The following DPF3 variants were observed in gnomAD, a reference collection of about 807,000 sequenced individuals.
DPF3 encodes the protein double PHD fingers 3.
A neutral mutation model predicts 56.8 loss-of-function variants in DPF3; 18 were observed. That is an observed-to-expected ratio of 0.32 (90% confidence interval 0.22 to 0.47). The LOEUF is 0.47. Ranked by LOEUF, DPF3 falls within the 20% of genes least tolerant of loss-of-function variation. The probability of loss-of-function intolerance (pLI) is 1.00; values close to 1 mark genes in which losing one functional copy is unlikely to be tolerated. For synonymous variants in DPF3, 188 were observed against 180.2 expected (o/e 1.04, Z -0.35); for missense variants, 403 against 488.8 (o/e 0.82, Z 1.65).
chr14:72,714,464 G>T lies in DPF3; in HGVS notation c.563C>A (p.Ala188Asp), dbSNP rs754518343. Residue 188 changes from alanine to aspartate, a missense_variant, in exon 6 of 11, where the codon GCC becomes GAC. By Grantham distance (126) the Ala-to-Asp change is moderately radical. This residue lies in a region of DPF3 where 340 missense variants were observed against 374.3 expected (regional missense o/e 0.91). Transcript: ENST00000556509. ...GSAGGRRRHD[A>D]ASQEDHDKPY... is the part of the protein sequence containing the mutation. The stretch of plus-strand genomic sequence containing the variant: ...TTTGTCGTGGTCTTCCTGAGAGGCG[G>T]CGTCGTGCCTCCTCCTGCCCCCTGC... The T allele has an allele frequency of 5.0e-6, 8 of 1,613,758 alleles. No homozygotes were observed. In the Admixed American group the frequency reaches 8.3e-5, roughly 17 times the overall value.
intron 1 of DPF3, among the ~76,000 whole-genome samples, chr14:72,856,834 G>T (rs574071226): frequency 6.6e-6 from 1 of 152,208 alleles, no homozygotes; most frequent in African/African-American, 2.4e-5. Context: ...GTCCAGCGCG[G>T]CCCCTGTGCC....
At chr14:72,727,572 T>A (rs1232521521) in intron 4 of DPF3, among the ~76,000 whole-genome samples, 3 of 146,166 alleles carry the variant, frequency 2.1e-5, no homozygotes, top group Middle Eastern at 3.5e-3. Flanking sequence ...CGAGACTCCA[T>A]CTCAAAAAAA....
intron 8 of DPF3, among the ~76,000 whole-genome samples, chr14:72,643,700 C>T (rs928840398): frequency 2.6e-5 from 4 of 152,228 alleles, no homozygotes; most frequent in Admixed American, 6.5e-5. Flanking sequence ...CCCAAGTGAC[C>T]GCCCATCACC....
At position 72,732,244 on chromosome 14, in the gene DPF3, C is replaced by T. The variant is rs1889687239; in HGVS notation, c.302-310G>A. ...CAGCCATGACATCGGACAAGGCAGG[C>T]GTCAGGAGCGTGGAGCCCTTATTGC... is the stretch of plus-strand genomic sequence containing the variant. On this transcript the variant is annotated intron_variant, in intron 3 of 10. Transcript: ENST00000556509. 3.3e-5 allele frequency among the ~76,000 whole-genome samples: 5 copies of T among 152,234 alleles called. 1 individual carries two copies. The highest frequency in any genetic ancestry group is 7.3e-5 in the Non-Finnish European group (5 of 68,040).
chr14:72,714,896 T>TA (rs1214478637), intron 5 of DPF3, among the ~76,000 whole-genome samples: 3 of 152,206 alleles, frequency 2.0e-5, no homozygotes, highest in Non-Finnish European at 4.4e-5. Context: ...CTCCTGCTCC[T>TA]TAGCCTCCTA....
At chr14:72,825,537 C>T (rs111900501) in intron 1 of DPF3, among the ~76,000 whole-genome samples, 2 of 152,342 alleles carry the variant, frequency 1.3e-5, no homozygotes, top group African/African-American at 4.8e-5. Flanking sequence ...AGTTCTAGAA[C>T]ATAGAAAATT....
At chr14:72,788,134 G>A (rs1892285088) in intron 1 of DPF3, among the ~76,000 whole-genome samples, 1 of 152,188 alleles carries the variant, frequency 6.6e-6, no homozygotes, top group Non-Finnish European at 1.5e-5. Context: ...CATGCACTTG[G>A]TAAGTGTTCA....
At chr14:72,641,723 T>C (rs1359059754) in intron 8 of DPF3, among the ~76,000 whole-genome samples, 4 of 152,206 alleles carry the variant, frequency 2.6e-5, no homozygotes, top group Non-Finnish European at 5.9e-5. Flanking sequence ...TTTGCAAAAA[T>C]GCCCACAAAT....
intron 7 of DPF3, among the ~76,000 whole-genome samples, chr14:72,676,872 C>T (rs1886935415): frequency 6.6e-6 from 1 of 152,176 alleles, no homozygotes; most frequent in Admixed American, 6.5e-5. Context: ...CAATTCTACA[C>T]AGCATTCACT....
At chr14:72,804,742 G>T (rs1893022980) in intron 1 of DPF3, among the ~76,000 whole-genome samples, 1 of 152,144 alleles carries the variant, frequency 6.6e-6, no homozygotes, top group Non-Finnish European at 1.5e-5. Flanking sequence ...TCAACTGAGT[G>T]AAATCATTTC....
At chr14:72,765,329 A>G (rs1891234893) in intron 2 of DPF3, among the ~76,000 whole-genome samples, 1 of 152,242 alleles carries the variant, frequency 6.6e-6, no homozygotes, top group Non-Finnish European at 1.5e-5. Flanking sequence ...ACCACTTTGG[A>G]AAAGAGCTTG....
chr14:72,864,593 T>A (rs1401385107), intron 1 of DPF3, among the ~76,000 whole-genome samples: 1 of 152,262 alleles, frequency 6.6e-6, no homozygotes, highest in Non-Finnish European at 1.5e-5. Context: ...AAAATGGATA[T>A]GAAAGCAAAG....
At chr14:72,799,687 T>C (rs1466185897) in intron 1 of DPF3, among the ~76,000 whole-genome samples, 3 of 152,116 alleles carry the variant, frequency 2.0e-5, no homozygotes, top group Non-Finnish European at 4.4e-5. Flanking sequence ...AGTGATCCGT[T>C]CAAGAGTGAT....
intron 5 of DPF3, among the ~76,000 whole-genome samples, chr14:72,716,545 G>A (rs1463641132): frequency 6.6e-6 from 1 of 151,986 alleles, no homozygotes; most frequent in African/African-American, 2.4e-5. Context: ...TTTCATCATG[G>A]CACTGAGCGC....
At chr14:72,787,987 G>A (rs1190955729) in intron 1 of DPF3, among the ~76,000 whole-genome samples, 2 of 152,236 alleles carry the variant, frequency 1.3e-5, no homozygotes, top group Non-Finnish European at 2.9e-5. Context: ...AGGTGCTGGA[G>A]AGAAGAGAGG....
chr14:72,742,114 G>C (rs898192222), intron 3 of DPF3, among the ~76,000 whole-genome samples: 18 of 152,354 alleles, frequency 1.2e-4, no homozygotes, highest in African/African-American at 4.1e-4. Context: ...CACAGCCTGA[G>C]TGGGGGCTGC....
chr14:72,693,798 C>T (rs1301617659), intron 6 of DPF3, among the ~76,000 whole-genome samples: 2 of 152,204 alleles, frequency 1.3e-5, no homozygotes, highest in South Asian at 2.1e-4. Flanking sequence ...CTGTCCCTTC[C>T]ACCACCCCAT....
chr14:72,708,757 A>G (rs527606857), intron 6 of DPF3, among the ~76,000 whole-genome samples: 1 of 152,252 alleles, frequency 6.6e-6, no homozygotes, highest in East Asian at 1.9e-4. Context: ...CACCCATCCC[A>G]TCGCACCTCT....
intron 7 of DPF3, among the ~76,000 whole-genome samples, chr14:72,685,093 A>T (rs963101823): frequency 5.3e-5 from 8 of 152,214 alleles, no homozygotes; most frequent in African/African-American, 1.9e-4. Flanking sequence ...CGGTTGTTTA[A>T]GCCACCCAGT....
Sources: gnomAD v4.1 joint callset for allele counts (sites outside exome capture counted in the v4.1 genomes callset) on GRCh38, gnomAD v4.1.1 for gene constraint, gnomAD v4.1.1 regional missense constraint, MANE v1.5 for transcripts, NCBI Gene and HGNC (gene_info 2026-07-23, HGNC 2026-07-21) for gene names.